SETD7: variants seen among roughly 807,000 people sequenced by gnomAD.
SETD7 encodes histone-lysine N-methyltransferase SETD7.
In SETD7, 16 loss-of-function variants were observed where a neutral mutation model predicts 41.8. The ratio of observed to expected loss-of-function variants is 0.38; its 90% CI spans 0.26 to 0.58. SETD7 has a LOEUF of 0.58. SETD7 is among the 20% of genes least tolerant of loss of function. The pLI is 0.64. For missense variants in SETD7, 346 were observed against 459.7 expected (o/e 0.75, Z 2.26); for synonymous variants, 163 against 169.7 (o/e 0.96, Z 0.31).
chr4:139,548,880 T>C (rs1728034482), intron 1 of SETD7, among the ~76,000 whole-genome samples: 1 of 152,212 alleles, frequency 6.6e-6, no homozygotes, highest in African/African-American at 2.4e-5. Context: ...AGGCCATAAT[T>C]GCTTTCTTCT....
chr4:139,507,030 T>G lies in SETD7; in HGVS notation c.*4633A>C, dbSNP rs1294503685. Reference sequence around the variant, plus strand: ...TCTCTGCGAGGCAGAAGTCAGAAGGTAGAGATTGCTGGCAAAACTGTGAAG... The same window carrying G: ...TCTCTGCGAGGCAGAAGTCAGAAGGGAGAGATTGCTGGCAAAACTGTGAAG... On this transcript the variant is annotated 3_prime_UTR_variant, in exon 8 of 8. Coordinates refer to ENST00000274031, the MANE Select transcript of SETD7 (RefSeq NM_030648.4). The G allele has an allele frequency of 1.3e-5, 2 of 152,696 alleles. No homozygotes were observed. Among genetic ancestry groups the G allele is most frequent in the African/African-American group, 4.8e-5 (2 of 41,434 alleles). 9.5% of individuals were successfully genotyped at this position (152,696 alleles called of 1,614,324 possible).
downstream of SETD7, among the ~76,000 whole-genome samples, chr4:139,501,981 T>C (rs77914246): frequency 0.021 from 3,204 of 152,300 alleles, 116 homozygotes; most frequent in African/African-American, 0.07. Context: ...GCTCAATCCA[T>C]GGGTCAAAAC....
At chr4:139,497,421 A>G (rs942093230) in intron 7 of SETD7, among the ~76,000 whole-genome samples, 10 of 151,602 alleles carry the variant, frequency 6.6e-5, no homozygotes, top group African/African-American at 2.2e-4. Flanking sequence ...CGCCATTACT[A>G]AACTCCAGCC....
intron 1 of SETD7, among the ~76,000 whole-genome samples, chr4:139,548,295 TATTAGCCC>T (rs1156493463): frequency 6.6e-6 from 1 of 152,178 alleles, no homozygotes; most frequent in Non-Finnish European, 1.5e-5. Context: ...GATAAAAGAA[TATTAGCCC>T]TTGGAAAAGA....
chr4:139,541,985 C>G (rs1727790585), intron 2 of SETD7, among the ~76,000 whole-genome samples: 1 of 152,152 alleles, frequency 6.6e-6, no homozygotes, highest in South Asian at 2.1e-4. Context: ...GAAATCAACC[C>G]AAGTTTCCAT....
Position 139,510,798 on chromosome 4 carries a change from C to T in SETD7, c.*865G>A, listed in dbSNP as rs75446104. ...AATATTGCAAAATTGCCATAGTTAC[C>T]GCTTAGAGATACTAGTTTTCTTCTC... On this transcript the variant is annotated 3_prime_UTR_variant, in exon 8 of 8. Transcript: ENST00000274031. 19 of 152,622 alleles carry T rather than the reference C, an allele frequency of 1.2e-4. No homozygotes were observed. The highest frequency in any genetic ancestry group is 1.9e-4 in the East Asian group (1 of 5,186). The allele number at this position is 152,622 out of a possible 1,614,324, so 9.5% of individuals were successfully genotyped here. A position where few individuals can be genotyped will look rare whatever the true frequency, so the allele number is the denominator to read the frequency against.
chr4:139,526,203 A>G (rs1350169114), intron 4 of SETD7, among the ~76,000 whole-genome samples: 2 of 151,718 alleles, frequency 1.3e-5, no homozygotes, highest in African/African-American at 4.8e-5. Flanking sequence ...GGCACACTCT[A>G]CCACACCCAG....
intron 5 of SETD7, among the ~76,000 whole-genome samples, chr4:139,522,996 C>T (rs571156582): frequency 3.9e-5 from 6 of 152,034 alleles, no homozygotes; most frequent in South Asian, 4.2e-4. Context: ...TCAAGTGATC[C>T]GCCCGCCTTG....
chr4:139,550,672 C>T (rs182255900), intron 1 of SETD7, among the ~76,000 whole-genome samples: 158 of 152,222 alleles, frequency 1.0e-3, no homozygotes, highest in African/African-American at 3.7e-3. Flanking sequence ...TTTTCAAATG[C>T]CAATAAGATC....
At chr4:139,522,312 G>A (rs1045695696) in intron 5 of SETD7, among the ~76,000 whole-genome samples, 1 of 152,166 alleles carries the variant, frequency 6.6e-6, no homozygotes, top group Non-Finnish European at 1.5e-5. Context: ...CAGATAGTAC[G>A]CTTATTCATA....
At position 139,508,747 on chromosome 4, in the gene SETD7, C is replaced by A. The variant is rs1726778130; in HGVS notation, c.*2916G>T. The A allele has an allele frequency of 1.3e-5, 2 of 152,216 alleles. No individual in the cohort carries two copies. Among genetic ancestry groups the A allele is most frequent in the Non-Finnish European group, 2.9e-5 (2 of 68,044 alleles). The allele number at this position is 152,216 out of a possible 1,614,324, so 9.4% of individuals were successfully genotyped here. A position where few individuals can be genotyped will look rare whatever the true frequency, so the allele number is the denominator to read the frequency against. On this transcript the variant is annotated 3_prime_UTR_variant, in exon 8 of 8. Coordinates refer to ENST00000274031, the MANE Select transcript of SETD7 (RefSeq NM_030648.4). ...ATGACCAGATGCAGCGGCTTCCTGACACATTTCCTTCCCCAGCAGATGTAA... is the reference window on the plus strand; with the variant it reads ...ATGACCAGATGCAGCGGCTTCCTGAAACATTTCCTTCCCCAGCAGATGTAA...
chr4:139,517,950 G>C lies in SETD7; in HGVS notation c.855C>G (p.Ser285=). 6.2e-7 allele frequency: 1 copy of C among 1,614,036 alleles called. No homozygotes were observed. The highest frequency in any genetic ancestry group is 8.5e-7 in the Non-Finnish European group (1 of 1,179,964). ...IDVPEPYNHV[S]KYCASLGHKA... is the part of the protein sequence containing the mutation. Reference sequence around the variant, plus strand: ...TGTGTCCCAAGGAGGCACAGTACTTGGATACGTGGTTATAGGGCTCAGGCA... The same window carrying C: ...TGTGTCCCAAGGAGGCACAGTACTTCGATACGTGGTTATAGGGCTCAGGCA... Residue 285 remains serine, a synonymous_variant, in exon 7 of 8, where the codon TCC becomes TCG. Transcript: ENST00000274031.
intron 7 of SETD7, among the ~76,000 whole-genome samples, chr4:139,516,741 AT>A (rs1727037200): frequency 6.6e-6 from 1 of 152,142 alleles, no homozygotes; most frequent in South Asian, 2.1e-4. Flanking sequence ...CTTTATATAT[AT>A]TTACCTTTTG....
rs1727077486 is a variant in SETD7 at position 139,518,025 on chromosome 4, C to G, written c.780G>C (p.Trp260Cys). The change falls in exon 7 of 8, where the codon TGG becomes TGC. Residue 260 changes from tryptophan (W) to cysteine (C), a missense_variant. Transcript: ENST00000274031. ...ITHQEVDSRD[W>C]ALNGNTLSLD... ...GGGAGAGGGTGTTCCCATTAAGGGC[C>G]CAGTCCCTGCTGTCAACCTGCAGAA... 6.2e-7 allele frequency: 1 copy of G among 1,613,184 alleles called. No individual in the cohort carries two copies. Among genetic ancestry groups the G allele is most frequent in the Non-Finnish European group, 8.5e-7 (1 of 1,179,622 alleles).
At chr4:139,527,886 A>G (rs948531441) in intron 4 of SETD7, among the ~76,000 whole-genome samples, 1 of 152,260 alleles carries the variant, frequency 6.6e-6, no homozygotes, top group Non-Finnish European at 1.5e-5. Flanking sequence ...CAAAAAAGAC[A>G]TTTAAAGCAA....
At chr4:139,511,963 G>A in intron 7 of SETD7, 120 bp from the exon 8 acceptor site, 3 of 1,443,532 alleles carry the variant, frequency 2.1e-6, no homozygotes, top group South Asian at 3.0e-5. Context: ...CACCTGGTAT[G>A]TGCCCAAAGT....
At chr4:139,523,281 G>T in intron 5 of SETD7, 73 bp downstream of exon 5, 1 of 1,116,236 alleles carries the variant, frequency 9.0e-7, no homozygotes, top group Non-Finnish European at 1.3e-6. Flanking sequence ...CCAAAGAGGT[G>T]CATAAGTTCC....
At chr4:139,530,376 T>G (rs1010603875) in intron 3 of SETD7, among the ~76,000 whole-genome samples, 1 of 89,244 alleles carries the variant, frequency 1.1e-5, no homozygotes, top group African/African-American at 3.9e-5. Flanking sequence ...TTTTTTTTTT[T>G]GCCTTCTAGG....
Position 139,555,182 on chromosome 4 carries a change from C to CAAAA in SETD7, c.40+912_40+915dup, listed in dbSNP as rs34969738. Among the ~76,000 whole-genome samples, 2 of 110,262 alleles carry CAAAA rather than the reference C, an allele frequency of 1.8e-5. No individual in the cohort carries two copies. Among genetic ancestry groups the CAAAA allele is most frequent in the African/African-American group, 3.1e-5 (1 of 31,944 alleles). 72.3% of individuals were successfully genotyped at this position (110,262 alleles called of 152,430 possible). On this transcript the variant is annotated intron_variant, in intron 1 of 7. Transcript: ENST00000274031. This position sits in a 1 kb window ranked among gnomAD's most constrained non-coding sequence, Gnocchi z 4.0. Reference sequence around the variant, plus strand: ...CCCCACATCGTTTTTTCAGAACTAACAAAAAAAAAAAAAAAAAGGTGGAGA... The same window carrying CAAAA: ...CCCCACATCGTTTTTTCAGAACTAACAAAAAAAAAAAAAAAAAAAAAGGTGGAGA...
Sources: allele counts gnomAD v4.1 joint callset (sites outside exome capture counted in the v4.1 genomes callset), GRCh38; gene constraint gnomAD v4.1.1; non-coding constraint Gnocchi (gnomAD v3.1); transcripts MANE v1.5; gene names NCBI Gene and HGNC (gene_info 2026-07-23, HGNC 2026-07-21).